SFMBT1: variants seen among roughly 807,000 people sequenced by gnomAD.
SFMBT1 encodes the protein Scm like with four mbt domains 1, also known as scm-like with four MBT domains protein 1.
A neutral mutation model predicts 108.7 loss-of-function variants in SFMBT1; 32 were observed. That is an observed-to-expected ratio of 0.29 (90% CI 0.22 to 0.40). SFMBT1 has a LOEUF of 0.40. Ranked by LOEUF, SFMBT1 falls within the 10% of genes least tolerant of loss-of-function variation. The pLI, the probability that SFMBT1 is intolerant of heterozygous loss-of-function variation, is 1.00. For missense variants in SFMBT1, 816 were observed against 1,059.6 expected (o/e 0.77, Z 3.19); for synonymous variants, 348 against 369.5 (o/e 0.94, Z 0.67).
intron 1 of SFMBT1, among the ~76,000 whole-genome samples, chr3:53,017,475 T>C (rs1011192965): frequency 1.3e-5 from 2 of 152,212 alleles, no homozygotes; most frequent in Non-Finnish European, 2.9e-5. Context: ...ACAAAATCCC[T>C]ACCCTCTTGG....
chr3:52,997,125 C>T (rs1215973925), intron 1 of SFMBT1, among the ~76,000 whole-genome samples: 1 of 149,614 alleles, frequency 6.7e-6, no homozygotes, highest in African/African-American at 2.4e-5. Flanking sequence ...ATCATACAAC[C>T]AAGCAATTCC....
intron 1 of SFMBT1, among the ~76,000 whole-genome samples, chr3:53,015,509 C>T (rs191200372): frequency 6.6e-6 from 1 of 152,300 alleles, no homozygotes; most frequent in East Asian, 1.9e-4. Context: ...TTACTGACAA[C>T]AGCCAAAATG....
chr3:52,929,095 A>C (rs540806015), intron 8 of SFMBT1, among the ~76,000 whole-genome samples: 10 of 152,314 alleles, frequency 6.6e-5, no homozygotes, highest in South Asian at 4.1e-4. Flanking sequence ...AACAAAGAAG[A>C]AGCAAAACCT....
rs1028078737 is a variant in SFMBT1 at position 53,046,055 on chromosome 3, C to T, written c.-370G>A. On this transcript the variant is annotated 5_prime_UTR_variant, in exon 1 of 21. Coordinates refer to ENST00000394752, the MANE Select transcript of SFMBT1 (RefSeq NM_016329.4). ...GCGGAGGCGGCGGCGGCGCTCCGCG[C>T]TCCGACTCATTCCAATATGGCACGG... The T allele has an allele frequency of 1.3e-5, 2 of 151,362 alleles. No individual in the cohort carries two copies. The highest frequency in any genetic ancestry group is 4.9e-5 in the African/African-American group (2 of 41,224). 9.4% of individuals were successfully genotyped at this position (151,362 alleles called of 1,614,324 possible). A position where few individuals can be genotyped will look rare whatever the true frequency, so the allele number is the denominator to read the frequency against.
intron 7 of SFMBT1, among the ~76,000 whole-genome samples, 187 bp from the exon 8 acceptor site, chr3:52,930,617 AC>A (rs5848967): frequency 1 from 152,346 of 152,346 alleles, 76,173 homozygotes; most frequent in Non-Finnish European, 1. Flanking sequence ...AAAAAACAAA[AC>A]ACACAGAAGT....
chr3:52,929,493 C>T (rs1020305667), intron 8 of SFMBT1, among the ~76,000 whole-genome samples: 4 of 152,178 alleles, frequency 2.6e-5, no homozygotes, highest in South Asian at 2.1e-4. Flanking sequence ...CCTGCCCCGG[C>T]GTCCCAAAGT....
At chr3:53,033,961 T>C (rs372185022) in intron 1 of SFMBT1, among the ~76,000 whole-genome samples, 1 of 150,790 alleles carries the variant, frequency 6.6e-6, no homozygotes, top group Non-Finnish European at 1.5e-5. Flanking sequence ...TCCCAGCTAC[T>C]TGGGAGGCTG....
At chr3:53,038,876 T>C (rs1699947532) in intron 1 of SFMBT1, among the ~76,000 whole-genome samples, 1 of 152,184 alleles carries the variant, frequency 6.6e-6, no homozygotes, top group Non-Finnish European at 1.5e-5. Context: ...GCCTTTCAGA[T>C]AGGTGAAGGC....
At chr3:52,995,751 G>A (rs1027813638) in intron 1 of SFMBT1, among the ~76,000 whole-genome samples, 5 of 149,680 alleles carry the variant, frequency 3.3e-5, no homozygotes, top group African/African-American at 1.2e-4. Flanking sequence ...CAATAAATTG[G>A]GACTGTATCA....
At chr3:52,950,525 A>C (rs1204334568) in intron 3 of SFMBT1, among the ~76,000 whole-genome samples, 2 of 152,064 alleles carry the variant, frequency 1.3e-5, no homozygotes, top group Admixed American at 6.6e-5. Flanking sequence ...CCCAGGCTGG[A>C]GTGCAATGGC....
chr3:52,943,325 C>A, intron 4 of SFMBT1, 28 bp downstream of exon 4: 1 of 1,613,654 alleles, frequency 6.2e-7, no homozygotes, highest in South Asian at 1.1e-5. Flanking sequence ...AAAATCACGT[C>A]ACGTCTTGAT....
At chr3:52,970,866 G>A (rs1270907481) in intron 1 of SFMBT1, among the ~76,000 whole-genome samples, 1 of 152,192 alleles carries the variant, frequency 6.6e-6, no homozygotes, top group Non-Finnish European at 1.5e-5. Flanking sequence ...CAGGTGCGTG[G>A]CTCATGCCTG....
chr3:53,041,359 G>A (rs2106977967), intron 1 of SFMBT1, among the ~76,000 whole-genome samples: 1 of 152,066 alleles, frequency 6.6e-6, no homozygotes, highest in East Asian at 1.9e-4. Context: ...CTTTTGAAAA[G>A]TTTAAACATG....
intron 1 of SFMBT1, among the ~76,000 whole-genome samples, chr3:53,033,450 C>T (rs1446538941): frequency 3.9e-5 from 6 of 152,058 alleles, no homozygotes; most frequent in African/African-American, 1.2e-4. Flanking sequence ...TGTGAGCCGC[C>T]GCGCCCGGCC....
chr3:53,000,015 C>T (rs954157096), intron 1 of SFMBT1, among the ~76,000 whole-genome samples: 4 of 149,988 alleles, frequency 2.7e-5, no homozygotes, highest in Admixed American at 1.3e-4. Context: ...TGTGCCACCA[C>T]ATCAGCCCGG....
chr3:52,910,337 A>T (rs1370162814), intron 17 of SFMBT1, among the ~76,000 whole-genome samples: 1 of 152,170 alleles, frequency 6.6e-6, no homozygotes, highest in Non-Finnish European at 1.5e-5. Context: ...TGCAGATTGT[A>T]TGAATGAATT....
chr3:53,026,537 A>AT (rs34353860), intron 1 of SFMBT1, among the ~76,000 whole-genome samples: 65,679 of 151,782 alleles, frequency 0.43, 14,500 homozygotes, highest in South Asian at 0.62. Context: ...CTTTAAGGAT[A>AT]GCTGGAATTC....
At chr3:53,007,978 C>T (rs1026450604) in intron 1 of SFMBT1, among the ~76,000 whole-genome samples, 1 of 151,436 alleles carries the variant, frequency 6.6e-6, no homozygotes, top group African/African-American at 2.4e-5. Flanking sequence ...CCATCAAGAC[C>T]ATGAAAGTCA....
At chr3:52,916,786 T>C (rs79257083) in intron 13 of SFMBT1, among the ~76,000 whole-genome samples, 1 of 152,288 alleles carries the variant, frequency 6.6e-6, no homozygotes, top group East Asian at 1.9e-4. Flanking sequence ...AGTCTGTATA[T>C]AGCATTGTGA....
Sources: gnomAD v4.1 joint callset for allele counts (sites outside exome capture counted in the v4.1 genomes callset) on GRCh38, gnomAD v4.1.1 for gene constraint, MANE v1.5 for transcripts, NCBI Gene and HGNC (gene_info 2026-07-23, HGNC 2026-07-21) for gene names.